The following CSMD1 variants were observed in gnomAD, a reference collection of about 807,000 sequenced individuals.
CSMD1 encodes CUB and sushi domain-containing protein 1.
A neutral mutation model predicts 417.5 loss-of-function variants in CSMD1; 213 were observed. The observed-to-expected ratio is 0.51, with a 90% CI of 0.46 to 0.57. CSMD1 has a LOEUF of 0.57. Ranked by LOEUF, CSMD1 falls within the 20% of genes least tolerant of loss-of-function variation. The pLI is 0.00. For missense variants in CSMD1, 6,923 were observed against 4,529.7 expected (o/e 1.53, Z -15.17); for synonymous variants, 2,862 against 1,736.8 (o/e 1.65, Z -16.11).
At chr8:3,449,103 C>T (rs530123425) in intron 12 of CSMD1, among the ~76,000 whole-genome samples, 25 of 152,340 alleles carry the variant, frequency 1.6e-4, no homozygotes, top group Admixed American at 1.6e-3. Flanking sequence ...GAGTTCTACA[C>T]AGCACAAAGC....
At chr8:3,047,843 C>T (rs1388238296) in intron 50 of CSMD1, among the ~76,000 whole-genome samples, 1 of 152,164 alleles carries the variant, frequency 6.6e-6, no homozygotes, top group East Asian at 1.9e-4. Context: ...TTCCTCAACC[C>T]AGCTATGTGT....
chr8:4,099,402 C>T (rs1489506040), intron 3 of CSMD1, among the ~76,000 whole-genome samples: 1 of 152,136 alleles, frequency 6.6e-6, no homozygotes, highest in Non-Finnish European at 1.5e-5. Flanking sequence ...TTACCTGAAG[C>T]TGCTTTCTAA....
At chr8:3,543,202 A>T (rs1798516872) in intron 10 of CSMD1, among the ~76,000 whole-genome samples, 1 of 152,208 alleles carries the variant, frequency 6.6e-6, no homozygotes, top group Admixed American at 6.5e-5. Flanking sequence ...AGAAACTGGT[A>T]AGTCTTAGCA....
chr8:3,828,259 A>G (rs1275425190), intron 5 of CSMD1, among the ~76,000 whole-genome samples: 5 of 152,170 alleles, frequency 3.3e-5, no homozygotes, highest in South Asian at 4.1e-4. Flanking sequence ...AACGTTATGT[A>G]AGATCTGATG....
intron 3 of CSMD1, among the ~76,000 whole-genome samples, chr8:4,253,661 C>T (rs143833390): frequency 1.3e-5 from 2 of 151,892 alleles, no homozygotes; most frequent in Non-Finnish European, 2.9e-5. Context: ...GACACACAAT[C>T]GTTTGCAACA....
At chr8:4,590,117 A>G (rs963257889) in intron 2 of CSMD1, among the ~76,000 whole-genome samples, 2 of 152,114 alleles carry the variant, frequency 1.3e-5, no homozygotes, top group Non-Finnish European at 2.9e-5. Flanking sequence ...ATTTAGAATA[A>G]CATGCAATTT....
chr8:4,628,477 T>A (rs960797765), intron 2 of CSMD1, among the ~76,000 whole-genome samples: 2 of 148,608 alleles, frequency 1.3e-5, no homozygotes, highest in South Asian at 2.1e-4. Context: ...TATGTATATA[T>A]ACACACAGTA....
chr8:3,727,599 G>A (rs1241368565), intron 6 of CSMD1, among the ~76,000 whole-genome samples: 1 of 152,178 alleles, frequency 6.6e-6, no homozygotes, highest in Non-Finnish European at 1.5e-5. Flanking sequence ...ATATGATACT[G>A]CAATTCGACT....
intron 28 of CSMD1, among the ~76,000 whole-genome samples, chr8:3,219,674 C>T (rs533524142): frequency 5.3e-5 from 8 of 152,206 alleles, no homozygotes; most frequent in African/African-American, 1.4e-4. Flanking sequence ...ATGTTCAATA[C>T]AATATTATTC....
rs553650943 is a variant in CSMD1 at position 4,723,958 on chromosome 8, A to G, written c.86-86400T>C. Among the ~76,000 whole-genome samples the G allele has an allele frequency of 2.7e-4, 41 of 152,252 alleles. No individual in the cohort carries two copies. In the South Asian group the frequency reaches 7.9e-3, roughly 29 times the overall value. On this transcript the variant is annotated intron_variant, in intron 1 of 69. Coordinates refer to ENST00000635120, the MANE Select transcript of CSMD1 (RefSeq NM_033225.6). ...TTGAGTAACTTGCCTAGATAAGTGC[A>G]TCCAATCTCGGGCAGAAAGAACGTG...
At chr8:4,136,690 T>G (rs930401384) in intron 3 of CSMD1, among the ~76,000 whole-genome samples, 3 of 152,198 alleles carry the variant, frequency 2.0e-5, no homozygotes, top group African/African-American at 7.2e-5. Flanking sequence ...CTGTGAGTCT[T>G]CAGAGACTAC....
intron 59 of CSMD1, among the ~76,000 whole-genome samples, chr8:2,964,932 C>T (rs1009618645): frequency 1.3e-5 from 2 of 152,122 alleles, no homozygotes; most frequent in African/African-American, 4.8e-5. Flanking sequence ...TACTGAGTGT[C>T]CTAACTCTCC....
intron 3 of CSMD1, among the ~76,000 whole-genome samples, chr8:4,193,053 T>C (rs1386187963): frequency 6.6e-6 from 1 of 152,250 alleles, no homozygotes; most frequent in Non-Finnish European, 1.5e-5. Flanking sequence ...TGTCATTATG[T>C]ATTTATCTTA....
At chr8:4,393,539 C>T (rs982448222) in intron 3 of CSMD1, among the ~76,000 whole-genome samples, 1 of 152,158 alleles carries the variant, frequency 6.6e-6, no homozygotes, top group Non-Finnish European at 1.5e-5. Context: ...TTTCACTTGG[C>T]AACAGCTAGA....
At chr8:3,190,326 G>A (rs1796338065) in intron 33 of CSMD1, among the ~76,000 whole-genome samples, 1 of 151,478 alleles carries the variant, frequency 6.6e-6, no homozygotes, top group African/African-American at 2.4e-5. Context: ...TCCAACAATC[G>A]CTATAGAGAA....
chr8:4,035,207 A>C (rs1797554229), intron 3 of CSMD1, among the ~76,000 whole-genome samples: 1 of 152,142 alleles, frequency 6.6e-6, no homozygotes, highest in Non-Finnish European at 1.5e-5. Flanking sequence ...AGTGCCAGCT[A>C]TGATGCACGT....
chr8:3,885,097 G>A (rs1179962965), intron 5 of CSMD1, among the ~76,000 whole-genome samples: 2 of 151,890 alleles, frequency 1.3e-5, no homozygotes, highest in African/African-American at 2.4e-5. Flanking sequence ...TCATATACAT[G>A]CTTATCAGAT....
intron 37 of CSMD1, among the ~76,000 whole-genome samples, chr8:3,168,313 G>C (rs149321766): frequency 1.4e-3 from 207 of 152,238 alleles, no homozygotes; most frequent in African/African-American, 3.9e-3. Context: ...TATTGTAATT[G>C]ACTACATAAT....
chr8:3,746,305 G>C (rs1434544947), intron 6 of CSMD1, among the ~76,000 whole-genome samples: 1 of 152,210 alleles, frequency 6.6e-6, no homozygotes, highest in Admixed American at 6.5e-5. Context: ...CTTTATTCTT[G>C]AAGCATAAGA....
Sources: gnomAD v4.1 joint callset for allele counts (sites outside exome capture counted in the v4.1 genomes callset) on GRCh38, gnomAD v4.1.1 for gene constraint, MANE v1.5 for transcripts, NCBI Gene and HGNC (gene_info 2026-07-23, HGNC 2026-07-21) for gene names.